Variants in MYO10 observed in about 807,000 individuals in gnomAD.
The protein encoded by MYO10 is myosin X.
MYO10 carries 133 observed loss-of-function variants against 257.3 expected under a neutral mutation model. The observed-to-expected ratio is 0.52, with a 90% CI of 0.45 to 0.60. The LOEUF is 0.60. Ranked by LOEUF, MYO10 falls within the 20% of genes least tolerant of loss-of-function variation. The pLI is 0.00. For missense variants in MYO10, 2,399 were observed against 2,635.7 expected, an observed-to-expected ratio of 0.91 and a Z score of 1.97; for synonymous variants, 1,104 against 1,028.6, an observed-to-expected ratio of 1.07 and a Z score of -1.40.
At chr5:16,889,610 A>G (rs1744993593) in intron 1 of MYO10, among the ~76,000 whole-genome samples, 1 of 151,824 alleles carries the variant, frequency 6.6e-6, no homozygotes. Flanking sequence ...AAGTAAGTAA[A>G]TGGAGCTAGG....
At chr5:16,787,152 G>C (rs1031024686) in intron 4 of MYO10, among the ~76,000 whole-genome samples, 1 of 152,038 alleles carries the variant, frequency 6.6e-6, no homozygotes, top group African/African-American at 2.4e-5. Flanking sequence ...CTGGGTGACA[G>C]AGCGAGACCC....
intron 1 of MYO10, among the ~76,000 whole-genome samples, chr5:16,881,053 C>T (rs1744743071): frequency 6.6e-6 from 1 of 152,194 alleles, no homozygotes; most frequent in South Asian, 2.1e-4. Flanking sequence ...AGAACTTTTA[C>T]TCATTAGGTT....
intron 27 of MYO10, among the ~76,000 whole-genome samples, chr5:16,692,421 AAAAAAT>A (rs1199404124): frequency 4.6e-5 from 7 of 152,200 alleles, no homozygotes; most frequent in African/African-American, 1.2e-4. Context: ...CTTGGTCTCA[AAAAAAT>A]AAAAATAAAA....
At chr5:16,925,398 A>G (rs1561063156) in intron 1 of MYO10, among the ~76,000 whole-genome samples, 1 of 152,216 alleles carries the variant, frequency 6.6e-6, no homozygotes, top group Non-Finnish European at 1.5e-5. Context: ...TTTCTGGCCA[A>G]TATGCATTAT....
In MYO10 at chr5:16,850,379, T is replaced by C. The variant is rs933369502; in HGVS notation, c.120+27230A>G. 2.6e-5 allele frequency among the ~76,000 whole-genome samples: 4 copies of C among 151,962 alleles called. No individual in the cohort carries two copies. The East Asian group carries it at 7.8e-4, about 29-fold the overall frequency. ...ACCTCCACCTCCTGGGTTCAAGCGA[T>C]TGATTCTTCTGCCTCAGCCTCCCGA... On this transcript the variant is annotated intron_variant, in intron 2 of 40. Transcript: ENST00000513610.
chr5:16,818,256 T>G, intron 2 of MYO10, 89 bp from the exon 3 acceptor site: 2 of 1,125,054 alleles, frequency 1.8e-6, no homozygotes, highest in South Asian at 3.9e-5. Context: ...ACAATCTCAG[T>G]ATAATTTCAG....
At chr5:16,933,919 C>G (rs1746363559) in intron 1 of MYO10, among the ~76,000 whole-genome samples, 1 of 152,016 alleles carries the variant, frequency 6.6e-6, no homozygotes, top group South Asian at 2.1e-4. Context: ...CCAGAAATAC[C>G]AAAGTCACCA....
chr5:16,749,004 G>A (rs1579946665), intron 19 of MYO10, among the ~76,000 whole-genome samples: 2 of 152,138 alleles, frequency 1.3e-5, no homozygotes, highest in South Asian at 4.2e-4. Flanking sequence ...GAGACAGATG[G>A]GGCTCCAAGA....
At chr5:16,926,557 C>T (rs1746137783) in intron 1 of MYO10, among the ~76,000 whole-genome samples, 1 of 152,086 alleles carries the variant, frequency 6.6e-6, no homozygotes, top group Non-Finnish European at 1.5e-5. Flanking sequence ...CAAAAATTAG[C>T]CAGGCATGGT....
chr5:16,836,879 G>A (rs756933671), intron 2 of MYO10, among the ~76,000 whole-genome samples: 6 of 152,110 alleles, frequency 3.9e-5, no homozygotes, highest in Admixed American at 2.0e-4. Context: ...ATGTCCACAC[G>A]AAAAGGTTAC....
At chr5:16,718,556 G>A (rs1360109959) in intron 19 of MYO10, among the ~76,000 whole-genome samples, 1 of 152,016 alleles carries the variant, frequency 6.6e-6, no homozygotes, top group East Asian at 1.9e-4. Flanking sequence ...AGGACGTGGA[G>A]AACCTTTATG....
In MYO10 at chr5:16,701,280, T is replaced by G; in HGVS notation, c.3115A>C (p.Thr1039Pro). ...SSEEDPYMND[T>P]VVPTSPSADS... ...GCACTGGGGCTGGTGGGCACCACCG[T>G]GTCGTTCATGTATGGGTCCTCCTCT... The change falls in exon 25 of 41, where the codon ACG (threonine) becomes CCG (proline). Residue 1039 changes from threonine (T) to proline (P), a missense_variant. Physicochemically the swap from Thr to Pro is conservative, Grantham distance 38 (BLOSUM62 -1). Around this residue, in one of 3 missense-constraint regions of MYO10, gnomAD observed 1,820 missense variants for 1,939.4 expected, o/e 0.94. Coordinates refer to ENST00000513610, the MANE Select transcript of MYO10 (RefSeq NM_012334.3). This position sits in a 1 kb window ranked among gnomAD's most constrained non-coding sequence, Gnocchi z 8.1. 1.2e-6 allele frequency: 2 copies of G among 1,613,792 alleles called. No homozygotes were observed. Among genetic ancestry groups the G allele is most frequent in the Non-Finnish European group, 1.7e-6 (2 of 1,179,828 alleles).
chr5:16,931,287 A>G (rs1746288591), intron 1 of MYO10, among the ~76,000 whole-genome samples: 1 of 152,072 alleles, frequency 6.6e-6, no homozygotes, highest in Non-Finnish European at 1.5e-5. Flanking sequence ...AATAATAATA[A>G]TAATAGTAAT....
At chr5:16,773,670 A>G (rs529353560) in intron 9 of MYO10, among the ~76,000 whole-genome samples, 1 of 151,906 alleles carries the variant, frequency 6.6e-6, no homozygotes, top group African/African-American at 2.4e-5. Context: ...TCAAAAAAAA[A>G]AAAAAAAAGT....
In MYO10 at chr5:16,675,082, G is replaced by T. The variant is rs199723519; in HGVS notation, c.4735C>A (p.Leu1579Met). The part of the protein sequence containing the change: ...AIKIFNSLQQ[L>M]ESMSDPIPII... Reference sequence around the variant, plus strand: ...GGAATTGGGTCAGACATGGACTCCAGTTGCTGCAGGGAATTGAATATCTTG... The same window carrying T: ...GGAATTGGGTCAGACATGGACTCCATTTGCTGCAGGGAATTGAATATCTTG... The change falls in exon 35 of 41, where the codon CTG becomes ATG. Residue 1579 changes from leucine to methionine, a missense_variant. By Grantham distance (15) the Leu-to-Met change is conservative. This residue lies in a region of MYO10 where 1,820 missense variants were observed against 1,939.4 expected (regional missense o/e 0.94). Transcript: ENST00000513610. The T allele has an allele frequency of 4.0e-5, 64 of 1,613,876 alleles. No homozygotes were observed. The highest frequency in any genetic ancestry group is 3.6e-5 in the Non-Finnish European group (43 of 1,179,898).
chr5:16,928,213 T>C (rs1464165514), intron 1 of MYO10, among the ~76,000 whole-genome samples: 1 of 152,174 alleles, frequency 6.6e-6, no homozygotes, highest in African/African-American at 2.4e-5. Flanking sequence ...TTATTATTAC[T>C]ATTACAATTT....
In MYO10 at chr5:16,701,924, G is replaced by A; in HGVS notation, c.2557-86C>T. On this transcript the variant is annotated intron_variant, in intron 24 of 40. Transcript: ENST00000513610. The surrounding 1 kb of genome is among the most constrained non-coding windows in gnomAD (Gnocchi z 8.1). ...CCGCTTTGCAACCAGGATGAAATAT[G>A]GTCATTATGAGTTGGACTGTGTCCC... 6.9e-7 allele frequency: 1 copy of A among 1,447,010 alleles called. No individual in the cohort carries two copies. Among genetic ancestry groups the A allele is most frequent in the Non-Finnish European group, 9.2e-7 (1 of 1,083,828 alleles). 89.6% of individuals were successfully genotyped at this position (1,447,010 alleles called of 1,614,324 possible).
In MYO10 at chr5:16,663,753, A is replaced by G. The variant is rs1736059406; in HGVS notation, c.*2939T>C. ...GACACACACGGTATAACAGCTATTT[A>G]TGCAGCATTTATGTTGTGCTAGGTA... On this transcript the variant is annotated 3_prime_UTR_variant, in exon 41 of 41. Coordinates refer to ENST00000513610, the MANE Select transcript of MYO10 (RefSeq NM_012334.3). The G allele has an allele frequency of 6.6e-6, 1 of 151,868 alleles. No homozygotes were observed. Among genetic ancestry groups the G allele is most frequent in the Non-Finnish European group, 1.5e-5 (1 of 68,040 alleles). The allele number at this position is 151,868 out of a possible 1,614,324, so 9.4% of individuals were successfully genotyped here. A position where few individuals can be genotyped will look rare whatever the true frequency, so the allele number is the denominator to read the frequency against.
At chr5:16,776,989 C>CTT (rs367587993) in intron 9 of MYO10, among the ~76,000 whole-genome samples, 28 of 147,998 alleles carry the variant, frequency 1.9e-4, no homozygotes, top group African/African-American at 6.2e-4. Context: ...AGAGACAAGT[C>CTT]TTTTTTTTTT....
Sources: allele counts gnomAD v4.1 joint callset (sites outside exome capture counted in the v4.1 genomes callset), GRCh38; gene constraint gnomAD v4.1.1; regional missense constraint gnomAD v4.1.1; non-coding constraint Gnocchi (gnomAD v3.1); transcripts MANE v1.5; gene names NCBI Gene and HGNC (gene_info 2026-07-23, HGNC 2026-07-21).